Variants in KANSL1 observed in about 807,000 individuals in gnomAD.
The protein encoded by KANSL1 is KAT8 regulatory NSL complex subunit 1, also known as MLL1/MLL complex subunit KANSL1.
Under a neutral mutation model 103.6 loss-of-function variants are expected in KANSL1, and 22 were observed. The ratio of observed to expected loss-of-function variants is 0.21; its 90% CI spans 0.15 to 0.30. The LOEUF is 0.30. Among genes scored for constraint, KANSL1 ranks in the 10% least tolerant of loss-of-function variants. KANSL1 has a pLI of 1.00. For missense variants in KANSL1, 1,337 were observed against 1,399.8 expected (o/e 0.96, Z 0.72); for synonymous variants, 600 against 527.6 (o/e 1.14, Z -1.88).
rs762509401 is a variant in KANSL1, at chr17:46,171,954, G to A, written c.190C>T (p.Arg64Ter). 6 of 1,614,258 alleles carry A rather than the reference G, an allele frequency of 3.7e-6. No homozygotes were observed. The highest frequency in any genetic ancestry group is 4.2e-6 in the Non-Finnish European group (5 of 1,180,046). The stretch of plus-strand genomic sequence containing the variant: ...AAGTCTTCCTTGGTAGGATTATTTC[G>A]GAAATCTAGGCTGGGATCCTCTGCA... ...IAAEDPSLDF[R>*]NNPTKEDLGK... is the part of the protein sequence containing the mutation. The change falls in exon 2 of 15, where the codon CGA becomes TGA. Residue 64 changes from arginine to a stop codon, truncating the protein, a stop_gained. Transcript: ENST00000432791. LOFTEE classifies it high-confidence loss of function.
intron 1 of KANSL1, among the ~76,000 whole-genome samples, chr17:46,184,837 CT>C (rs66507225): frequency 0.037 from 4,784 of 128,158 alleles, 374 homozygotes; most frequent in East Asian, 0.35. Context: ...AGAGTATGTA[CT>C]TTTTTTTTTT....
At chr17:46,126,654 A>T (rs2043573486) in intron 2 of KANSL1, among the ~76,000 whole-genome samples, 1 of 152,198 alleles carries the variant, frequency 6.6e-6, no homozygotes. Flanking sequence ...TTATTAAGTG[A>T]GTTTTAGGCC....
rs778091394 is a variant in KANSL1, at chr17:46,172,071, G to A, written c.73C>T (p.Pro25Ser). The A allele has an allele frequency of 1.9e-6, 3 of 1,613,752 alleles. No individual in the cohort carries two copies. Among genetic ancestry groups the A allele is most frequent in the African/African-American group, 1.3e-5 (1 of 74,920 alleles). Reference protein sequence around the residue: ...AHHIRFKLAPPSSTLSPGSAE... With the variant: ...AHHIRFKLAPSSSTLSPGSAE... The stretch of plus-strand genomic sequence containing the variant: ...CTGCCAGGGGACAAGGTAGAGGATG[G>A]GGGAGCCAGTTTGAACCGGATATGG... Residue 25 changes from proline to serine, a missense_variant, in exon 2 of 15, where the codon CCA (proline) becomes TCA (serine). By Grantham distance (74) the Pro-to-Ser change is moderately conservative. Coordinates refer to ENST00000432791, the MANE Select transcript of KANSL1 (RefSeq NM_015443.4).
chr17:46,042,732 C>T (rs1410124648), intron 7 of KANSL1: 1 of 150,874 alleles, frequency 6.6e-6, no homozygotes, highest in Non-Finnish European at 1.5e-5. Context: ...GAATGTTATG[C>T]CTTCGAGGAC....
At chr17:46,063,870 G>A (rs1234429196) in intron 6 of KANSL1, among the ~76,000 whole-genome samples, 3 of 149,688 alleles carry the variant, frequency 2.0e-5, no homozygotes, top group South Asian at 2.1e-4. Flanking sequence ...AACAGAGGAA[G>A]GGTGCTTTAT....
chr17:46,094,945 G>GT (rs1385351033), intron 2 of KANSL1, among the ~76,000 whole-genome samples: 2 of 152,178 alleles, frequency 1.3e-5, no homozygotes, highest in African/African-American at 4.8e-5. Context: ...GTGGCACACA[G>GT]TTTCTCTGAA....
At chr17:46,121,889 C>A (rs890534190) in intron 2 of KANSL1, among the ~76,000 whole-genome samples, 1 of 152,148 alleles carries the variant, frequency 6.6e-6, no homozygotes, top group Admixed American at 6.5e-5. Flanking sequence ...CTGGGCCTAC[C>A]TTAACGTGCT....
At chr17:46,145,196 G>A (rs2044635678) in intron 2 of KANSL1, among the ~76,000 whole-genome samples, 1 of 152,256 alleles carries the variant, frequency 6.6e-6, no homozygotes, top group Non-Finnish European at 1.5e-5. Context: ...TGAAAGCAAA[G>A]GACTTTTCTA....
intron 3 of KANSL1, among the ~76,000 whole-genome samples, chr17:46,089,476 G>GC (rs889893338): frequency 2.8e-5 from 4 of 141,312 alleles, no homozygotes; most frequent in Non-Finnish European, 6.2e-5. Flanking sequence ...AAAAAGAAAA[G>GC]CCCCACCATC....
At chr17:46,167,953 A>T (rs2046087489) in intron 2 of KANSL1, among the ~76,000 whole-genome samples, 1 of 152,236 alleles carries the variant, frequency 6.6e-6, no homozygotes, top group East Asian at 1.9e-4. Context: ...AAAACAGCTC[A>T]TTCCAACAGT....
At chr17:46,165,311 C>T (rs1483350664) in intron 2 of KANSL1, among the ~76,000 whole-genome samples, 1 of 152,172 alleles carries the variant, frequency 6.6e-6, no homozygotes, top group Admixed American at 6.5e-5. Context: ...CGGCTCACTG[C>T]AAGCTCCACC....
rs532832674 is a variant in KANSL1, at chr17:46,100,824, T to A, written c.1290-6123A>T. ...CCTGATGTATTAACATAAATTTTTT[T>A]AAATCTCATTAAGGCAACAAACATG... On this transcript the variant is annotated intron_variant, in intron 2 of 14. Coordinates refer to ENST00000432791, the MANE Select transcript of KANSL1 (RefSeq NM_015443.4). 5.1e-4 allele frequency among the ~76,000 whole-genome samples: 77 copies of A among 152,354 alleles called. 1 individual carries two copies. The highest frequency in any genetic ancestry group is 1.8e-3 in the African/African-American group (75 of 41,570).
At chr17:46,111,788 C>A (rs1396954280) in intron 2 of KANSL1, among the ~76,000 whole-genome samples, 1 of 152,334 alleles carries the variant, frequency 6.6e-6, no homozygotes, top group African/African-American at 2.4e-5. Context: ...TCTTACACTA[C>A]ACACAAAAAT....
intron 1 of KANSL1, among the ~76,000 whole-genome samples, chr17:46,189,060 A>AAAAAAAAAC (rs1182291131): frequency 7.1e-6 from 1 of 140,670 alleles, no homozygotes; most frequent in Non-Finnish European, 1.5e-5. Flanking sequence ...AAAAAAAAAA[A>AAAAAAAAAC]AAAAAAGACA....
intron 2 of KANSL1, among the ~76,000 whole-genome samples, chr17:46,130,144 G>A (rs2043779812): frequency 7.1e-6 from 1 of 140,188 alleles, no homozygotes; most frequent in Non-Finnish European, 1.5e-5. Flanking sequence ...CTGAGATGGT[G>A]CCACTGAACT....
chr17:46,038,424 G>T, intron 10 of KANSL1, 114 bp downstream of exon 10: 1 of 1,111,756 alleles, frequency 9.0e-7, no homozygotes, highest in Non-Finnish European at 1.3e-6. Context: ...GATGAGCTGA[G>T]ATCCTATAAA....
chr17:46,135,564 G>A (rs1325092265), intron 2 of KANSL1, among the ~76,000 whole-genome samples: 2 of 99,512 alleles, frequency 2.0e-5, no homozygotes, highest in African/African-American at 6.4e-5. Context: ...TTTTTTTTGA[G>A]ACAGAGTCTC....
At chr17:46,106,220 G>A (rs2042560038) in intron 2 of KANSL1, among the ~76,000 whole-genome samples, 1 of 152,156 alleles carries the variant, frequency 6.6e-6, no homozygotes, top group African/African-American at 2.4e-5. Context: ...TATTATCATT[G>A]AGCCCCCAGT....
intron 2 of KANSL1, among the ~76,000 whole-genome samples, chr17:46,167,652 A>G (rs1234797905): frequency 1.3e-5 from 2 of 152,282 alleles, no homozygotes; most frequent in Non-Finnish European, 2.9e-5. Flanking sequence ...TTTTTAAACC[A>G]GACATAAAAT....
Sources: allele counts gnomAD v4.1 joint callset (sites outside exome capture counted in the v4.1 genomes callset), GRCh38; gene constraint gnomAD v4.1.1; transcripts MANE v1.5; gene names NCBI Gene and HGNC (gene_info 2026-07-23, HGNC 2026-07-21).